Variants in USP9Y observed in about 807,000 individuals in gnomAD.
USP9Y encodes ubiquitin specific peptidase 9 Y-linked.
Under a neutral mutation model 53.1 loss-of-function variants are expected in USP9Y, and 41 were observed. The ratio of observed to expected loss-of-function variants is 0.77; its 90% CI spans 0.60 to 1.00. The LOEUF (loss-of-function observed/expected upper bound fraction) is 1.00, where lower values mean the gene tolerates loss of function less well. Ranked by LOEUF, USP9Y falls within the 50% of genes least tolerant of loss-of-function variation. The pLI is 0.00. For synonymous variants in USP9Y, 220 were observed against 173.7 expected (o/e 1.27, Z -2.09); for missense variants, 567 against 535.8 (o/e 1.06, Z -0.58).
chrY:12,858,662 G>A (rs866268139), intron 45 of USP9Y, among the ~76,000 whole-genome samples: 10 of 32,705 alleles, frequency 3.1e-4, no homozygotes. Context: ...AAGTGTTGCT[G>A]CTCTGGGGAA....
At chrY:12,820,419 A>G in intron 33 of USP9Y, among the ~76,000 whole-genome samples, 1 of 33,722 alleles carries the variant, frequency 3.0e-5, no homozygotes, top group Non-Finnish European at 7.4e-5. Flanking sequence ...TATATGTATT[A>G]GCATATCACT....
intron 5 of USP9Y, among the ~76,000 whole-genome samples, chrY:12,723,199 A>T: frequency 7.4e-5 from 2 of 26,973 alleles, no homozygotes; most frequent in Non-Finnish European, 1.8e-4. Context: ...GCCTTAATAT[A>T]AAAAAAAAAA....
At chrY:12,796,157 G>A in intron 27 of USP9Y, among the ~76,000 whole-genome samples, 1 of 33,545 alleles carries the variant, frequency 3.0e-5, no homozygotes, top group South Asian at 6.6e-4. Flanking sequence ...TATTTCTGAT[G>A]ATACTGTTAC....
At chrY:12,759,747 T>A (rs770806045) in intron 14 of USP9Y, among the ~76,000 whole-genome samples, 3 of 32,842 alleles carry the variant, frequency 9.1e-5, no homozygotes, top group Non-Finnish European at 1.5e-4. Flanking sequence ...GTCTTGTGTA[T>A]CAGATGACGA....
chrY:12,846,306 A>G, intron 39 of USP9Y, 27 bp from the exon 40 acceptor site: 2 of 385,465 alleles, frequency 5.2e-6, no homozygotes, highest in Non-Finnish European at 7.3e-6. Flanking sequence ...TTTTTTCTAC[A>G]TATTATTTTT....
chrY:12,824,877 G>A (rs749811862), intron 33 of USP9Y, among the ~76,000 whole-genome samples: 1 of 32,590 alleles, frequency 3.1e-5, no homozygotes, highest in Admixed American at 2.8e-4. Flanking sequence ...TACATACGTG[G>A]TGTGATATGT....
chrY:12,721,013 G>A, intron 4 of USP9Y: 1 of 89,180 alleles, frequency 1.1e-5, no homozygotes, highest in Non-Finnish European at 2.2e-5. Context: ...AACCCTTCCT[G>A]TGTTTCTAGC....
intron 12 of USP9Y, among the ~76,000 whole-genome samples, chrY:12,752,030 TAGAC>T (rs2053464548): frequency 8.9e-5 from 3 of 33,625 alleles, no homozygotes; most frequent in Non-Finnish European, 2.2e-4. Flanking sequence ...TAAAATCAGG[TAGAC>T]AGACTCATCC....
chrY:12,711,753 C>T, intron 3 of USP9Y, among the ~76,000 whole-genome samples: 2 of 32,490 alleles, frequency 6.2e-5, no homozygotes, highest in Non-Finnish European at 1.5e-4. Context: ...GCCTCAGCCT[C>T]CTGAATAGCT....
At chrY:12,780,822 C>T in intron 22 of USP9Y, among the ~76,000 whole-genome samples, 1 of 33,029 alleles carries the variant, frequency 3.0e-5, no homozygotes, top group Non-Finnish European at 7.4e-5. Flanking sequence ...AAGTAATCAA[C>T]AGATCTTGTT....
chrY:12,811,865 C>T, intron 30 of USP9Y, 84 bp downstream of exon 30: 4 of 230,028 alleles, frequency 1.7e-5, no homozygotes, highest in Admixed American at 2.0e-4. Flanking sequence ...TCTCAGCTCA[C>T]CGCAGCCTCC....
chrY:12,708,018 G>A (rs2053421056), intron 1 of USP9Y, among the ~76,000 whole-genome samples: 5 of 33,148 alleles, frequency 1.5e-4, no homozygotes, highest in African/African-American at 5.9e-4. Context: ...GATTACAGGC[G>A]TGAGCCACCG....
chrY:12,771,116 G>T lies in USP9Y; in HGVS notation c.1949G>T (p.Ser650Ile). The change falls in exon 16 of 46, where the codon AGT becomes ATT. Residue 650 changes from serine to isoleucine, a missense_variant. Ser to Ile is a moderately radical substitution (Grantham distance 142). Transcript: ENST00000338981. ...ACAGTGAGGCTTGGAAGTCGATACA[G>T]TCATGTTCAAGAAGTTCAAGAACGA... ...PQTVRLGSRY[S>I]HVQEVQERLN... The T allele has an allele frequency of 5.0e-6, 2 of 397,172 alleles. No homozygotes were observed. Among genetic ancestry groups the T allele is most frequent in the Non-Finnish European group, 7.1e-6 (2 of 282,318 alleles).
At chrY:12,834,278 G>T (rs2053553307) in intron 34 of USP9Y, among the ~76,000 whole-genome samples, 1 of 32,601 alleles carries the variant, frequency 3.1e-5, no homozygotes, top group Non-Finnish European at 7.5e-5. Flanking sequence ...GGCCGAAGCA[G>T]GTGGATCACG....
At chrY:12,746,725 T>A (rs762001613) in intron 12 of USP9Y, among the ~76,000 whole-genome samples, 11 of 31,531 alleles carry the variant, frequency 3.5e-4, no homozygotes, top group African/African-American at 1.4e-3. Context: ...AAACGGTAAC[T>A]CTAGGAATTT....
intron 3 of USP9Y, among the ~76,000 whole-genome samples, chrY:12,710,444 C>A (rs2053423991): frequency 3.1e-5 from 1 of 32,033 alleles, no homozygotes; most frequent in Non-Finnish European, 7.6e-5. Flanking sequence ...CTTTTTAATT[C>A]CCATTTGTGT....
intron 3 of USP9Y, among the ~76,000 whole-genome samples, chrY:12,714,310 T>C (rs2053428686): frequency 9.3e-5 from 3 of 32,414 alleles, no homozygotes; most frequent in African/African-American, 3.6e-4. Flanking sequence ...TGCAGTGTTT[T>C]TGATCTATAC....
chrY:12,794,568 AT>A (rs2053511273), intron 27 of USP9Y, among the ~76,000 whole-genome samples: 1 of 33,606 alleles, frequency 3.0e-5, no homozygotes, highest in Admixed American at 2.7e-4. Flanking sequence ...AGCAAAAGCT[AT>A]TTTCTCCTAC....
intron 5 of USP9Y, among the ~76,000 whole-genome samples, chrY:12,722,709 T>G (rs965406354): frequency 9.1e-5 from 3 of 32,857 alleles, no homozygotes; most frequent in Admixed American, 2.8e-4. Flanking sequence ...TTAAAGCATA[T>G]TTTACAGTTT....
Sources: gnomAD v4.1 joint callset for allele counts (sites outside exome capture counted in the v4.1 genomes callset) on GRCh38, gnomAD v4.1.1 for gene constraint, MANE v1.5 for transcripts, NCBI Gene and HGNC (gene_info 2026-07-23, HGNC 2026-07-21) for gene names.